The following SIMC1 variants were observed in gnomAD, a reference collection of about 807,000 sequenced individuals.
SIMC1 encodes SUMO-interacting motif-containing protein 1.
A neutral mutation model predicts 82.3 loss-of-function variants in SIMC1; 55 were observed. The ratio of observed to expected loss-of-function variants is 0.67; its 90% CI spans 0.54 to 0.84. SIMC1 has a LOEUF of 0.84. SIMC1 is among the 40% of genes least tolerant of loss of function. The pLI, the probability that SIMC1 is intolerant of heterozygous loss-of-function variation, is 0.00. For synonymous variants in SIMC1, 353 were observed against 426.3 expected, an observed-to-expected ratio of 0.83 and a Z score of 2.12; for missense variants, 915 against 1,107.2, an observed-to-expected ratio of 0.83 and a Z score of 2.46.
rs1023591473 is a variant in SIMC1 at position 176,316,162 on chromosome 5, G to A, written c.1889+2317G>A. Among the ~76,000 whole-genome samples the A allele has an allele frequency of 3.3e-5, 5 of 152,094 alleles. No individual in the cohort carries two copies. In the East Asian group the frequency reaches 5.8e-4, roughly 18 times the overall value. Reference sequence around the variant, plus strand: ...TGCACTTCAGCCTGGGTGACAGAGCGAGACTCTGTCTCAAAAGCAAATAAA... The same window carrying A: ...TGCACTTCAGCCTGGGTGACAGAGCAAGACTCTGTCTCAAAAGCAAATAAA... On this transcript the variant is annotated intron_variant, in intron 5 of 9. Transcript: ENST00000429602.
At chr5:176,337,321 A>G (rs561377770) in intron 9 of SIMC1, among the ~76,000 whole-genome samples, 175 bp downstream of exon 9, 2 of 152,360 alleles carry the variant, frequency 1.3e-5, no homozygotes, top group South Asian at 4.1e-4. Flanking sequence ...GAATTCACAT[A>G]TTCTTGTTAT....
intron 4 of SIMC1, chr5:176,308,330 A>G (rs537323722): frequency 8.0e-6 from 12 of 1,497,874 alleles, no homozygotes; most frequent in Admixed American, 6.7e-5. Flanking sequence ...GGAAGGACCA[A>G]GTAGAAATTT....
rs574509100 is a variant in SIMC1 at position 176,240,633 on chromosome 5, G to A, written c.129+1996G>A. 3.2e-5 allele frequency among the ~76,000 whole-genome samples: 3 copies of A among 94,076 alleles called. 1 individual carries two copies. Among genetic ancestry groups the A allele is most frequent in the African/African-American group, 1.2e-4 (3 of 24,736 alleles). The allele number at this position is 94,076 out of a possible 152,430, so 61.7% of individuals were successfully genotyped here. A position where few individuals can be genotyped will look rare whatever the true frequency, so the allele number is the denominator to read the frequency against. The stretch of plus-strand genomic sequence containing the variant: ...TATCTTTTTTGCAAATTAGATAAGA[G>A]TGGTATGATAACCATGTAAAAGATC... On this transcript the variant is annotated intron_variant, in intron 1 of 9. Transcript: ENST00000429602.
At chr5:176,319,003 G>A (rs978892892) in intron 5 of SIMC1, among the ~76,000 whole-genome samples, 1 of 152,150 alleles carries the variant, frequency 6.6e-6, no homozygotes, top group Non-Finnish European at 1.5e-5. Context: ...CAGCTACTCG[G>A]AAGGCTGAGA....
intron 6 of SIMC1, 43 bp downstream of exon 6, chr5:176,322,468 AG>A (rs536601378): frequency 6.4e-7 from 1 of 1,568,764 alleles, no homozygotes; most frequent in South Asian, 1.2e-5. Context: ...CTTGGGGTTT[AG>A]TGTTTTAGAG....
intron 4 of SIMC1, among the ~76,000 whole-genome samples, chr5:176,304,760 G>A (rs1039551504): frequency 6.6e-6 from 1 of 151,330 alleles, no homozygotes; most frequent in East Asian, 2.0e-4. Context: ...CTTCCCAGCC[G>A]CCATCCATCT....
intron 1 of SIMC1, among the ~76,000 whole-genome samples, chr5:176,280,512 T>C (rs1235140898): frequency 6.6e-6 from 1 of 152,192 alleles, no homozygotes; most frequent in Non-Finnish European, 1.5e-5. Context: ...CGTTAGTTGA[T>C]GCAGTTTCTT....
At chr5:176,307,148 AC>A (rs890821428) in intron 4 of SIMC1, among the ~76,000 whole-genome samples, 2 of 152,196 alleles carry the variant, frequency 1.3e-5, no homozygotes, top group Non-Finnish European at 2.9e-5. Flanking sequence ...TTTTAAAAAA[AC>A]AAAAAATAAG....
chr5:176,262,676 G>A (rs1374736348), intron 1 of SIMC1, among the ~76,000 whole-genome samples: 1 of 152,138 alleles, frequency 6.6e-6, no homozygotes, highest in African/African-American at 2.4e-5. Flanking sequence ...ATGGTGGTGA[G>A]CACCTGTAGT....
At chr5:176,250,827 C>T (rs1294333501) in intron 1 of SIMC1, among the ~76,000 whole-genome samples, 2 of 152,268 alleles carry the variant, frequency 1.3e-5, no homozygotes, top group Middle Eastern at 6.8e-3. Context: ...ATTTATTCCT[C>T]CATCCCTTTA....
chr5:176,303,715 C>G (rs1389966497), intron 4 of SIMC1, among the ~76,000 whole-genome samples: 1 of 152,112 alleles, frequency 6.6e-6, no homozygotes, highest in Non-Finnish European at 1.5e-5. Context: ...CAGTGTGGTA[C>G]AAGAAAGAAG....
intron 9 of SIMC1, among the ~76,000 whole-genome samples, chr5:176,337,454 C>T (rs1291474558): frequency 6.6e-6 from 1 of 152,060 alleles, no homozygotes; most frequent in Non-Finnish European, 1.5e-5. Context: ...ATTAGCCAGG[C>T]GTGGTGGTGT....
chr5:176,337,190 T>C, intron 9 of SIMC1, 44 bp downstream of exon 9: 1 of 1,488,382 alleles, frequency 6.7e-7, no homozygotes, highest in Admixed American at 1.7e-5. Flanking sequence ...AAGGTCTCAA[T>C]GGACATTTGT....
chr5:176,299,870 G>A (rs1763972113), intron 4 of SIMC1, among the ~76,000 whole-genome samples: 1 of 152,140 alleles, frequency 6.6e-6, no homozygotes, highest in Non-Finnish European at 1.5e-5. Context: ...TAGACCACAT[G>A]TTGGGCCACA....
At chr5:176,324,801 AAC>A in intron 7 of SIMC1, 44 bp downstream of exon 7, 2 of 1,503,114 alleles carry the variant, frequency 1.3e-6, no homozygotes, top group Non-Finnish European at 1.8e-6. Flanking sequence ...TTAAAAAAAA[AAC>A]AAAAAAAACT....
At chr5:176,252,113 G>C (rs1442013856) in intron 1 of SIMC1, among the ~76,000 whole-genome samples, 5 of 152,202 alleles carry the variant, frequency 3.3e-5, no homozygotes, top group Non-Finnish European at 7.3e-5. Flanking sequence ...TCCCAGATGG[G>C]GTGGTGGCCG....
chr5:176,314,221 T>A (rs1245605513), intron 5 of SIMC1, among the ~76,000 whole-genome samples: 2 of 152,106 alleles, frequency 1.3e-5, no homozygotes, highest in African/African-American at 2.4e-5. Flanking sequence ...GAGCCGAGAT[T>A]GCGCCACTGT....
rs755592195 is a variant in SIMC1, at chr5:176,336,881, A to AT, written c.2328+11dup. Reference sequence around the variant, plus strand: ...ACGTCACTGCTCAAGTGTCAGGTACATTTTTTCCTGCCCAATTTCAGGCCT... The same window carrying AT: ...ACGTCACTGCTCAAGTGTCAGGTACATTTTTTTCCTGCCCAATTTCAGGCCT... On this transcript the variant is annotated splice_donor_region_variant and intron_variant, in intron 8 of 9. Coordinates refer to ENST00000429602, the MANE Select transcript of SIMC1 (RefSeq NM_001308195.2). The AT allele has an allele frequency of 6.2e-7, 1 of 1,613,258 alleles. No individual in the cohort carries two copies. Among genetic ancestry groups the AT allele is most frequent in the African/African-American group, 1.3e-5 (1 of 74,898 alleles).
intron 7 of SIMC1, among the ~76,000 whole-genome samples, chr5:176,330,359 C>T (rs566030847): frequency 6.6e-6 from 1 of 150,780 alleles, no homozygotes; most frequent in Non-Finnish European, 1.5e-5. Context: ...TGAGATCGCA[C>T]CACTCCACTC....
Sources: allele counts gnomAD v4.1 joint callset (sites outside exome capture counted in the v4.1 genomes callset), GRCh38; gene constraint gnomAD v4.1.1; transcripts MANE v1.5; gene names NCBI Gene and HGNC (gene_info 2026-07-23, HGNC 2026-07-21).